The following LHFPL3 variants were observed in gnomAD, a reference collection of about 807,000 sequenced individuals.
LHFPL3 encodes the protein LHFPL tetraspan subfamily member 3 protein.
A neutral mutation model predicts 19.3 loss-of-function variants in LHFPL3; 5 were observed. The observed-to-expected ratio is 0.26, with a 90% CI of 0.14 to 0.54. LHFPL3 has a LOEUF of 0.54. LHFPL3 is among the 20% of genes least tolerant of loss of function. LHFPL3 has a pLI of 0.94. For missense variants in LHFPL3, 249 were observed against 307.4 expected (o/e 0.81, Z 1.42); for synonymous variants, 133 against 126.2 (o/e 1.05, Z -0.36).
chr7:104,470,914 A>G (rs1408927176), intron 1 of LHFPL3, among the ~76,000 whole-genome samples: 1 of 152,030 alleles, frequency 6.6e-6, no homozygotes, highest in Non-Finnish European at 1.5e-5. Flanking sequence ...TACATATCAC[A>G]TCCAGGAGAA....
intron 1 of LHFPL3, among the ~76,000 whole-genome samples, chr7:104,336,164 G>A (rs903491173): frequency 8.6e-5 from 13 of 152,028 alleles, no homozygotes; most frequent in African/African-American, 2.9e-4. Context: ...TTTGATATGA[G>A]GAAAGACCAA....
intron 1 of LHFPL3, among the ~76,000 whole-genome samples, chr7:104,520,685 T>C (rs1794038711): frequency 7.0e-6 from 1 of 143,412 alleles, no homozygotes; most frequent in Non-Finnish European, 1.5e-5. Flanking sequence ...GAAGGGTGTA[T>C]GTGTCAAGGA....
At chr7:104,807,668 C>T (rs568217214) in intron 2 of LHFPL3, among the ~76,000 whole-genome samples, 12 of 152,152 alleles carry the variant, frequency 7.9e-5, no homozygotes, top group African/African-American at 2.9e-4. Flanking sequence ...GTGATGAAGT[C>T]GCAGAAAAGA....
At chr7:104,717,293 A>G (rs1793405260) in intron 1 of LHFPL3, among the ~76,000 whole-genome samples, 1 of 152,216 alleles carries the variant, frequency 6.6e-6, no homozygotes, top group African/African-American at 2.4e-5. Flanking sequence ...ACAAAAGCAA[A>G]AATAGAAAAA....
At chr7:104,569,270 T>A (rs1399888310) in intron 1 of LHFPL3, among the ~76,000 whole-genome samples, 1 of 152,238 alleles carries the variant, frequency 6.6e-6, no homozygotes. Flanking sequence ...GACTGTGTCC[T>A]ATTAAGACTC....
Position 104,561,740 on chromosome 7 carries a change from T to G in LHFPL3, c.446-174935T>G, listed in dbSNP as rs915032373. ...TCCTGTCATTATGATGTTAGCTGGTTATTTTGCTCGTTAGTTGATGCAGTT... is the reference window on the plus strand; with the variant it reads ...TCCTGTCATTATGATGTTAGCTGGTGATTTTGCTCGTTAGTTGATGCAGTT... On this transcript the variant is annotated intron_variant, in intron 1 of 2. Coordinates refer to ENST00000424859, the MANE Select transcript of LHFPL3 (RefSeq NM_199000.3). Among the ~76,000 whole-genome samples, 8 of 152,268 alleles carry G rather than the reference T, an allele frequency of 5.3e-5. No individual in the cohort carries two copies. The South Asian group carries it at 6.2e-4, about 12-fold the overall frequency.
chr7:104,402,735 A>AT lies in LHFPL3; in HGVS notation c.445+73518dup, dbSNP rs1010346857. Among the ~76,000 whole-genome samples, 45 of 152,230 alleles carry AT rather than the reference A, an allele frequency of 3.0e-4. 1 individual carries two copies. Among genetic ancestry groups the AT allele is most frequent in the African/African-American group, 1.1e-3 (44 of 41,538 alleles). On this transcript the variant is annotated intron_variant, in intron 1 of 2. Coordinates refer to ENST00000424859, the MANE Select transcript of LHFPL3 (RefSeq NM_199000.3). ...ATTTGACAGATAAGAAAATTATACT[A>AT]TTTTTTTGCTTCTATAGGACTCCAT...
chr7:104,475,572 G>A (rs764800927), intron 1 of LHFPL3, among the ~76,000 whole-genome samples: 1 of 152,104 alleles, frequency 6.6e-6, no homozygotes, highest in African/African-American at 2.4e-5. Context: ...ACTTAAAATG[G>A]TTGAGATGGT....
At chr7:104,571,538 TTTC>T (rs1217200299) in intron 1 of LHFPL3, among the ~76,000 whole-genome samples, 1 of 152,156 alleles carries the variant, frequency 6.6e-6, no homozygotes, top group African/African-American at 2.4e-5. Context: ...TTACAAGCCT[TTTC>T]TGGACACAAT....
chr7:104,619,938 G>C (rs12666704), intron 1 of LHFPL3, among the ~76,000 whole-genome samples: 56,324 of 152,006 alleles, frequency 0.37, 12,261 homozygotes, highest in South Asian at 0.53. Context: ...CTCATAAAGA[G>C]CTCACAGTCT....
chr7:104,508,525 G>C (rs571411488), intron 1 of LHFPL3, among the ~76,000 whole-genome samples: 2 of 150,362 alleles, frequency 1.3e-5, no homozygotes, highest in African/African-American at 4.9e-5. Context: ...CGAGTTAGTG[G>C]GTGCAGCACA....
chr7:104,577,956 C>A (rs949793447), intron 1 of LHFPL3, among the ~76,000 whole-genome samples: 1 of 152,166 alleles, frequency 6.6e-6, no homozygotes, highest in East Asian at 1.9e-4. Context: ...TGTTTCTCCA[C>A]GGAAGAACAA....
chr7:104,665,326 A>G (rs1792311014), intron 1 of LHFPL3, among the ~76,000 whole-genome samples: 3 of 152,238 alleles, frequency 2.0e-5, no homozygotes, highest in Non-Finnish European at 4.4e-5. Context: ...CCATGAAGAC[A>G]GTATATTGAA....
intron 1 of LHFPL3, among the ~76,000 whole-genome samples, chr7:104,335,856 GA>G (rs11399914): frequency 0.083 from 11,155 of 134,692 alleles, 473 homozygotes; most frequent in East Asian, 0.18. Flanking sequence ...GGAGTAAAAT[GA>G]AAAAAAAAAA....
At chr7:104,748,612 T>C (rs1028467755) in intron 2 of LHFPL3, among the ~76,000 whole-genome samples, 4 of 150,214 alleles carry the variant, frequency 2.7e-5, no homozygotes, top group Non-Finnish European at 4.4e-5. Context: ...TTGTCTATGA[T>C]GCAAAGACCT....
intron 1 of LHFPL3, among the ~76,000 whole-genome samples, chr7:104,544,383 G>T (rs1002558335): frequency 6.6e-6 from 1 of 152,172 alleles, no homozygotes; most frequent in Non-Finnish European, 1.5e-5. Context: ...GTAACAAGTG[G>T]TGATTAGGCA....
intron 1 of LHFPL3, among the ~76,000 whole-genome samples, chr7:104,670,374 T>C (rs1327019200): frequency 2.0e-5 from 3 of 152,194 alleles, no homozygotes; most frequent in African/African-American, 7.2e-5. Flanking sequence ...TAATTCCCAA[T>C]GTTTTCTGTG....
chr7:104,360,240 A>C (rs778750130), intron 1 of LHFPL3, among the ~76,000 whole-genome samples: 3 of 152,216 alleles, frequency 2.0e-5, no homozygotes, highest in Non-Finnish European at 4.4e-5. Context: ...TCTTCTCTCC[A>C]AAAACACAGC....
chr7:104,737,307 G>A (rs1011349221), intron 2 of LHFPL3, among the ~76,000 whole-genome samples: 1 of 152,106 alleles, frequency 6.6e-6, no homozygotes, highest in African/African-American at 2.4e-5. Context: ...TGAAATAAAT[G>A]CCTGGAGAAT....
Sources: gnomAD v4.1 joint callset for allele counts (sites outside exome capture counted in the v4.1 genomes callset) on GRCh38, gnomAD v4.1.1 for gene constraint, MANE v1.5 for transcripts, NCBI Gene and HGNC (gene_info 2026-07-23, HGNC 2026-07-21) for gene names.